The following DCLK2 variants were observed in gnomAD, a reference collection of about 807,000 sequenced individuals.
DCLK2 encodes doublecortin like kinase 2.
In DCLK2, 31 loss-of-function variants were observed where a neutral mutation model predicts 78.4. The observed-to-expected ratio is 0.40, with a 90% confidence interval of 0.30 to 0.53. The LOEUF is 0.53. DCLK2 is among the 20% of genes least tolerant of loss of function. The pLI, the probability that DCLK2 is intolerant of heterozygous loss-of-function variation, is 0.61. For missense variants in DCLK2, 872 were observed against 973.7 expected (o/e 0.90, Z 1.39); for synonymous variants, 407 against 374.9 (o/e 1.09, Z -0.99).
intron 4 of DCLK2, among the ~76,000 whole-genome samples, 192 bp from the exon 5 acceptor site, chr4:150,203,600 CTGT>C (rs1196404180): frequency 3.8e-5 from 2 of 52,070 alleles, no homozygotes; most frequent in South Asian, 1.2e-3. Context: ...TAGTTTCACT[CTGT>C]TTTTTTTTTT....
Position 150,113,551 on chromosome 4 carries a change from G to C in DCLK2, c.756+10739G>C, listed in dbSNP as rs1368729068. Among the ~76,000 whole-genome samples the C allele has an allele frequency of 2.6e-5, 4 of 152,208 alleles. No homozygotes were observed. In the East Asian group the frequency reaches 7.7e-4, roughly 29 times the overall value. On this transcript the variant is annotated intron_variant, in intron 2 of 15. Coordinates refer to ENST00000296550, the MANE Select transcript of DCLK2 (RefSeq NM_001040260.4). ...GTTTGTATGCATAGAGATGTTCATA[G>C]TAGTCTTGAATGATCATTTTTATTT...
chr4:150,182,631 A>G (rs1560842593), intron 2 of DCLK2, among the ~76,000 whole-genome samples: 4 of 152,088 alleles, frequency 2.6e-5, no homozygotes, highest in Non-Finnish European at 2.9e-5. Flanking sequence ...GCTTGCTTAC[A>G]TGATAGAAAA....
chr4:150,128,119 G>A (rs920469662), intron 2 of DCLK2, among the ~76,000 whole-genome samples: 14 of 152,132 alleles, frequency 9.2e-5, no homozygotes, highest in African/African-American at 2.9e-4. Context: ...TATGACTGGC[G>A]TAGGGTGGGG....
At chr4:150,099,178 G>A (rs1488205806) in intron 1 of DCLK2, among the ~76,000 whole-genome samples, 5 of 152,120 alleles carry the variant, frequency 3.3e-5, no homozygotes, top group East Asian at 1.9e-4. Context: ...GAGGCTAATC[G>A]CTTCTAATCA....
chr4:150,195,267 TTATATATTATATTATATATTATATTA>T (rs1333164432), intron 3 of DCLK2, among the ~76,000 whole-genome samples: 2 of 4,772 alleles, frequency 4.2e-4, no homozygotes, highest in African/African-American at 1.0e-3. Context: ...ATATTATATA[TTATATATTATATTATATATTATATTA>T]TATATTATAT....
At chr4:150,199,877 C>CA (rs1275446402) in intron 4 of DCLK2, among the ~76,000 whole-genome samples, 1 of 152,090 alleles carries the variant, frequency 6.6e-6, no homozygotes, top group Non-Finnish European at 1.5e-5. Flanking sequence ...ACGGAGGTAC[C>CA]ACCTGTGGTC....
At chr4:150,138,631 A>G (rs1043919546) in intron 2 of DCLK2, among the ~76,000 whole-genome samples, 2 of 152,186 alleles carry the variant, frequency 1.3e-5, no homozygotes, top group Admixed American at 6.5e-5. Flanking sequence ...ACCAGGCCTC[A>G]TTTAAGCCTC....
chr4:150,172,607 CAAAAAAA>C (rs34267089), intron 2 of DCLK2, among the ~76,000 whole-genome samples: 4 of 70,150 alleles, frequency 5.7e-5, no homozygotes, highest in Non-Finnish European at 8.2e-5. Context: ...GACTCCGTCT[CAAAAAAA>C]AAAAAAAAAA....
At chr4:150,176,447 A>G (rs1034424735) in intron 2 of DCLK2, among the ~76,000 whole-genome samples, 4 of 152,154 alleles carry the variant, frequency 2.6e-5, no homozygotes, top group Admixed American at 2.0e-4. Flanking sequence ...TTGATATTCA[A>G]TCAGGCCATA....
intron 2 of DCLK2, among the ~76,000 whole-genome samples, chr4:150,119,834 C>G (rs1732391910): frequency 6.6e-6 from 1 of 152,138 alleles, no homozygotes; most frequent in African/African-American, 2.4e-5. Flanking sequence ...ACTAAAAGAC[C>G]TACCATTTCA....
chr4:150,248,067 A>T (rs1013642070), intron 13 of DCLK2, among the ~76,000 whole-genome samples: 2 of 152,214 alleles, frequency 1.3e-5, no homozygotes, highest in African/African-American at 4.8e-5. Flanking sequence ...AATAACAATG[A>T]CCAGAACTCT....
At chr4:150,104,165 A>G (rs1731074629) in intron 2 of DCLK2, among the ~76,000 whole-genome samples, 1 of 152,094 alleles carries the variant, frequency 6.6e-6, no homozygotes, top group South Asian at 2.1e-4. Flanking sequence ...TGTGATTTGA[A>G]AAATTAGAGC....
chr4:150,231,075 T>C (rs1208089118), intron 8 of DCLK2, among the ~76,000 whole-genome samples: 1 of 152,246 alleles, frequency 6.6e-6, no homozygotes, highest in East Asian at 1.9e-4. Flanking sequence ...TTTGAAGAAT[T>C]CCAACTTGGC....
intron 5 of DCLK2, among the ~76,000 whole-genome samples, chr4:150,207,542 C>T (rs1016434756): frequency 1.3e-5 from 2 of 152,146 alleles, no homozygotes; most frequent in Non-Finnish European, 2.9e-5. Context: ...AAAATGTACT[C>T]GTAGTTTTCT....
intron 2 of DCLK2, among the ~76,000 whole-genome samples, chr4:150,177,079 C>T (rs930857060): frequency 5.3e-5 from 8 of 152,112 alleles, no homozygotes; most frequent in Admixed American, 2.0e-4. Context: ...TTATGCATTC[C>T]CTGTGAAACA....
chr4:150,187,665 C>T (rs1457494166), intron 2 of DCLK2, among the ~76,000 whole-genome samples: 1 of 152,176 alleles, frequency 6.6e-6, no homozygotes, highest in African/African-American at 2.4e-5. Context: ...TATCCTGTAG[C>T]ACCTAGAATA....
chr4:150,084,791 G>A (rs1729532736), intron 1 of DCLK2, among the ~76,000 whole-genome samples: 2 of 152,118 alleles, frequency 1.3e-5, no homozygotes, highest in South Asian at 2.1e-4. Context: ...TTCATTGCTC[G>A]TGAGGCCGAG....
Position 150,136,345 on chromosome 4 carries a change from C to G in DCLK2, c.756+33533C>G, listed in dbSNP as rs557481029. ...AAGAATTTTAGTGGTGCTGACTACA[C>G]TGGAGCTGAGGAGGTTGCCTGACCA... On this transcript the variant is annotated intron_variant, in intron 2 of 15. Transcript: ENST00000296550. Among the ~76,000 whole-genome samples the G allele has an allele frequency of 2.8e-4, 42 of 152,320 alleles. No individual in the cohort carries two copies. In the East Asian group the frequency reaches 7.1e-3, roughly 26 times the overall value.
intron 8 of DCLK2, among the ~76,000 whole-genome samples, chr4:150,229,996 A>G (rs1741920192): frequency 6.6e-6 from 1 of 152,214 alleles, no homozygotes; most frequent in Non-Finnish European, 1.5e-5. Flanking sequence ...TTTATGCAGT[A>G]CTTTATTTTG....
Sources: gnomAD v4.1 joint callset for allele counts (sites outside exome capture counted in the v4.1 genomes callset) on GRCh38, gnomAD v4.1.1 for gene constraint, MANE v1.5 for transcripts, NCBI Gene and HGNC (gene_info 2026-07-23, HGNC 2026-07-21) for gene names.